Variants in DGKB observed in about 807,000 individuals in gnomAD.
DGKB encodes the protein diacylglycerol kinase beta, also known as 90 kDa diacylglycerol kinase.
DGKB carries 67 observed loss-of-function variants against 114.3 expected under a neutral mutation model. That is an observed-to-expected ratio of 0.59 (90% CI 0.48 to 0.72). DGKB has a LOEUF of 0.72. Among genes scored for constraint, DGKB ranks in the 30% least tolerant of loss-of-function variants. DGKB has a pLI of 0.00. For synonymous variants in DGKB, 398 were observed against 323.1 expected (o/e 1.23, Z -2.49); for missense variants, 907 against 975.2 (o/e 0.93, Z 0.93).
intron 20 of DGKB, among the ~76,000 whole-genome samples, chr7:14,515,209 C>A (rs1359726346): frequency 6.6e-6 from 1 of 152,026 alleles, no homozygotes; most frequent in Non-Finnish European, 1.5e-5. Context: ...AAAGTAGAAA[C>A]ACATTATGAC....
At chr7:14,784,237 G>A (rs144051704) in intron 2 of DGKB, among the ~76,000 whole-genome samples, 74 of 151,456 alleles carry the variant, frequency 4.9e-4, no homozygotes, top group African/African-American at 1.5e-3. Context: ...GTGTTCTATC[G>A]TCTAAGCTTT....
intron 1 of DGKB, among the ~76,000 whole-genome samples, chr7:14,852,487 C>CAAAAAAAAAAAAAAAAAACAA: frequency 3.1e-5 from 2 of 63,616 alleles, no homozygotes; most frequent in Non-Finnish European, 5.9e-5. Context: ...TAGTGAAAGT[C>CAAAAAAAAAAAAAAAAAACAA]AAAAAAAAAA....
chr7:14,346,417 A>C (rs2128594791), intron 21 of DGKB, among the ~76,000 whole-genome samples: 1 of 152,082 alleles, frequency 6.6e-6, no homozygotes, highest in Non-Finnish European at 1.5e-5. Flanking sequence ...ATGTTATATT[A>C]TCTATCTAAA....
At chr7:14,673,330 T>C (rs1819303366) in intron 12 of DGKB, among the ~76,000 whole-genome samples, 1 of 151,800 alleles carries the variant, frequency 6.6e-6, no homozygotes, top group African/African-American at 2.4e-5. Flanking sequence ...CAAACACAAA[T>C]TATTGTCCAT....
At chr7:14,163,860 C>T (rs1434060466) in intron 25 of DGKB, among the ~76,000 whole-genome samples, 2 of 151,816 alleles carry the variant, frequency 1.3e-5, no homozygotes, top group East Asian at 1.9e-4. Context: ...CTGGGTGCGG[C>T]GGCAGGTGCC....
chr7:14,742,092 T>C (rs1415905253), intron 4 of DGKB, among the ~76,000 whole-genome samples: 1 of 152,192 alleles, frequency 6.6e-6, no homozygotes, highest in Non-Finnish European at 1.5e-5. Context: ...GGAAAAGATA[T>C]AATGTATTCC....
chr7:14,957,688 T>C (rs1390282963), intron 1 of DGKB, among the ~76,000 whole-genome samples: 2 of 152,232 alleles, frequency 1.3e-5, no homozygotes, highest in African/African-American at 4.8e-5. Flanking sequence ...TAACCATGCC[T>C]ATGTCTATTT....
At chr7:14,384,052 C>G (rs147448683) in intron 21 of DGKB, among the ~76,000 whole-genome samples, 120 of 152,312 alleles carry the variant, frequency 7.9e-4, no homozygotes, top group African/African-American at 2.9e-3. Context: ...GCCTAGCATT[C>G]AGTAACAACC....
At chr7:14,443,904 T>C (rs1281893916) in intron 21 of DGKB, among the ~76,000 whole-genome samples, 1 of 151,944 alleles carries the variant, frequency 6.6e-6, no homozygotes, top group Non-Finnish European at 1.5e-5. Flanking sequence ...TATCATTTAC[T>C]TCTGGATTCT....
At chr7:14,793,663 A>G (rs1347557511) in intron 2 of DGKB, among the ~76,000 whole-genome samples, 1 of 152,186 alleles carries the variant, frequency 6.6e-6, no homozygotes, top group Non-Finnish European at 1.5e-5. Flanking sequence ...GAGTATATGC[A>G]TAAGCTGACA....
In DGKB at chr7:14,750,793, C is replaced by CTTTTTTTT. The variant is rs1016534410; in HGVS notation, c.168+3127_168+3134dup. The stretch of plus-strand genomic sequence containing the variant: ...TCCCTTGAAAAAGCTATTTCTATTT[C>CTTTTTTTT]TTTTTTTTTTTTTTTTTTTTTTTCT... On this transcript the variant is annotated intron_variant, in intron 4 of 25. Coordinates refer to ENST00000402815, the MANE Select transcript of DGKB (RefSeq NM_001350709.2). Among the ~76,000 whole-genome samples, 276 of 89,532 alleles carry CTTTTTTTT rather than the reference C, an allele frequency of 3.1e-3. 16 individuals carry two copies. Among genetic ancestry groups the CTTTTTTTT allele is most frequent in the African/African-American group, 5.9e-3 (115 of 19,470 alleles). 58.7% of individuals were successfully genotyped at this position (89,532 alleles called of 152,430 possible). A position where few individuals can be genotyped will look rare whatever the true frequency, so the allele number is the denominator to read the frequency against.
intron 20 of DGKB, among the ~76,000 whole-genome samples, chr7:14,516,234 C>T (rs540443322): frequency 7.4e-4 from 112 of 152,150 alleles, no homozygotes; most frequent in African/African-American, 2.6e-3. Flanking sequence ...TGTTGGAATT[C>T]TCAGCAAATG....
chr7:14,532,913 T>C (rs1189548387), intron 20 of DGKB, among the ~76,000 whole-genome samples: 1 of 151,664 alleles, frequency 6.6e-6, no homozygotes, highest in Non-Finnish European at 1.5e-5. Context: ...CTTGACAAAG[T>C]CAGTCTGTAA....
intron 1 of DGKB, among the ~76,000 whole-genome samples, chr7:14,948,225 A>G (rs1785987258): frequency 6.6e-6 from 1 of 151,808 alleles, no homozygotes; most frequent in South Asian, 2.1e-4. Context: ...GGGATAATTT[A>G]TTTTAACTTT....
chr7:14,768,988 T>A (rs1836873048), intron 2 of DGKB, among the ~76,000 whole-genome samples: 1 of 151,626 alleles, frequency 6.6e-6, no homozygotes, highest in African/African-American at 2.4e-5. Flanking sequence ...ACGAGATGAT[T>A]TATGATGTAT....
intron 20 of DGKB, among the ~76,000 whole-genome samples, chr7:14,546,642 G>T (rs1794335865): frequency 6.6e-6 from 1 of 152,086 alleles, no homozygotes; most frequent in Non-Finnish European, 1.5e-5. Context: ...CACTAGGTCG[G>T]GAGCATCTGA....
rs547561124 is a variant in DGKB, at chr7:14,365,564, G to A, written c.1836-20173C>T. On this transcript the variant is annotated intron_variant, in intron 21 of 25. Coordinates refer to ENST00000402815, the MANE Select transcript of DGKB (RefSeq NM_001350709.2). ...ATAATACATAGATCATATCTATCTC[G>A]TAATTATTAATCATTATATTTTTAG... Among the ~76,000 whole-genome samples the A allele has an allele frequency of 2.1e-4, 32 of 151,938 alleles. No homozygotes were observed. In the South Asian group the frequency reaches 3.7e-3, roughly 18 times the overall value.
intron 21 of DGKB, among the ~76,000 whole-genome samples, chr7:14,359,828 G>A (rs1368750598): frequency 3.9e-5 from 6 of 152,152 alleles, no homozygotes; most frequent in African/African-American, 1.2e-4. Context: ...ATGCTGGAGA[G>A]GACGTGGAGA....
In DGKB at chr7:14,434,370, A is replaced by G. The variant is rs186342242; in HGVS notation, c.1835+43791T>C. Among the ~76,000 whole-genome samples, 20 of 152,204 alleles carry G rather than the reference A, an allele frequency of 1.3e-4. No individual in the cohort carries two copies. The East Asian group carries it at 3.7e-3, about 28-fold the overall frequency. On this transcript the variant is annotated intron_variant, in intron 21 of 25. Coordinates refer to ENST00000402815, the MANE Select transcript of DGKB (RefSeq NM_001350709.2). The stretch of plus-strand genomic sequence containing the variant: ...TAGGATTTGGGGAGGGATTATTCTG[A>G]ATTTTCCAGGTGAGCCAAATGTAAT...
Sources: allele counts gnomAD v4.1 joint callset (sites outside exome capture counted in the v4.1 genomes callset), GRCh38; gene constraint gnomAD v4.1.1; transcripts MANE v1.5; gene names NCBI Gene and HGNC (gene_info 2026-07-23, HGNC 2026-07-21).